WNT5B: variants seen among roughly 807,000 people sequenced by gnomAD.
WNT5B encodes Wnt family member 5B.
WNT5B carries 18 observed loss-of-function variants against 36.5 expected under a neutral mutation model. That is an observed-to-expected ratio of 0.49 (90% confidence interval 0.34 to 0.73). The LOEUF is 0.73. Among genes scored for constraint, WNT5B ranks in the 30% least tolerant of loss-of-function variants. The pLI is 0.01. For missense variants in WNT5B, 424 were observed against 508.4 expected, an observed-to-expected ratio of 0.83 and a Z score of 1.60; for synonymous variants, 213 against 212.3, an observed-to-expected ratio of 1.00 and a Z score of -0.03.
At chr12:1,620,778 A>T (rs2094532734) in intron 1 of WNT5B, among the ~76,000 whole-genome samples, 1 of 148,812 alleles carries the variant, frequency 6.7e-6, no homozygotes, top group South Asian at 2.1e-4. Context: ...ACCTTGGCTC[A>T]CTGCAACCTC....
rs1381302425 is a variant in WNT5B at position 1,645,847 on chromosome 12, C to T, written c.675C>T (p.Ser225=). 1.2e-6 allele frequency: 2 copies of T among 1,609,024 alleles called. No homozygotes were observed. Among genetic ancestry groups the T allele is most frequent in the Non-Finnish European group, 1.7e-6 (2 of 1,177,182 alleles). ...VACKCHGVSG[S]CSLKTCWLQL... Reference sequence around the variant, plus strand: ...GCAAATGCCACGGCGTCTCGGGGTCCTGCAGCCTCAAGACCTGCTGGCTGC... The same window carrying T: ...GCAAATGCCACGGCGTCTCGGGGTCTTGCAGCCTCAAGACCTGCTGGCTGC... Residue 225 remains serine (S), a synonymous_variant, in exon 5 of 5, where the codon TCC becomes TCT. Coordinates refer to ENST00000397196, the MANE Select transcript of WNT5B (RefSeq NM_032642.3).
At position 1,646,102 on chromosome 12, in the gene WNT5B, C is replaced by T. The variant is rs1343673094; in HGVS notation, c.930C>T (p.Gly310=). ...QGRLCNKTSE[G]MDGCELMCCG... The stretch of plus-strand genomic sequence containing the variant: ...GCCTCTGCAACAAGACCTCGGAGGG[C>T]ATGGATGGCTGTGAGCTCATGTGCT... The change falls in exon 5 of 5, where the codon GGC becomes GGT. Residue 310 remains glycine (G), a synonymous_variant. Coordinates refer to ENST00000397196, the MANE Select transcript of WNT5B (RefSeq NM_032642.3). 1 of 1,613,886 alleles carries T rather than the reference C, an allele frequency of 6.2e-7. No individual in the cohort carries two copies.
chr12:1,643,855 T>A (rs920741253), intron 4 of WNT5B, among the ~76,000 whole-genome samples: 6 of 151,364 alleles, frequency 4.0e-5, no homozygotes, highest in African/African-American at 1.2e-4. Flanking sequence ...ATGAAAAAAA[T>A]TGCAGATATT....
intron 1 of WNT5B, among the ~76,000 whole-genome samples, chr12:1,622,107 CTTT>C (rs35497935): frequency 2.6e-3 from 254 of 99,070 alleles, no homozygotes; most frequent in Middle Eastern, 7.0e-3. Flanking sequence ...TCTGACACTT[CTTT>C]TTTTTTTTTT....
upstream of WNT5B, among the ~76,000 whole-genome samples, chr12:1,626,559 G>C (rs2154439397): frequency 6.7e-6 from 1 of 148,968 alleles, no homozygotes. Context: ...CACTACTCCA[G>C]GCCAAGTGTA....
At chr12:1,645,751 C>T (rs2154439934) in intron 4 of WNT5B, 43 bp from the exon 5 acceptor site, 1 of 1,532,718 alleles carries the variant, frequency 6.5e-7, no homozygotes. Flanking sequence ...GGGCCTCTTC[C>T]ACCGGGATCC....
At chr12:1,627,614 G>A (rs1193295568), upstream of WNT5B, among the ~76,000 whole-genome samples, 4 of 152,148 alleles carry the variant, frequency 2.6e-5, no homozygotes, top group Non-Finnish European at 5.9e-5. The surrounding 1 kb of genome is among the most constrained non-coding windows in gnomAD (Gnocchi z 5.0). Flanking sequence ...AGCAGAAAAA[G>A]GAGGAGATCT....
chr12:1,636,677 A>T (rs1266276008), intron 3 of WNT5B, among the ~76,000 whole-genome samples: 1 of 151,258 alleles, frequency 6.6e-6, no homozygotes, highest in Non-Finnish European at 1.5e-5. Context: ...AGTAGCTGGG[A>T]CTACAGGCAC....
chr12:1,639,639 G>A (rs1180328504), intron 3 of WNT5B, 45 bp from the exon 4 acceptor site: 1 of 1,452,022 alleles, frequency 6.9e-7, no homozygotes. Context: ...CAGGTCCCCG[G>A]GAGAGGAGAG....
intron 1 of WNT5B, among the ~76,000 whole-genome samples, chr12:1,623,397 G>A (rs915489258): frequency 1.5e-4 from 22 of 151,442 alleles, no homozygotes; most frequent in Non-Finnish European, 2.8e-4. Context: ...AGGTTTCACC[G>A]TGTTAGCCAG....
Position 1,647,079 on chromosome 12 carries a change from G to C in WNT5B, c.*827G>C, listed in dbSNP as rs1205315676. ...CCGGGGAGGGGAAGCTTGAGCTGCT[G>C]CTGTCACTCCTCCACCGAGGGAGGC... On this transcript the variant is annotated 3_prime_UTR_variant, in exon 5 of 5. Coordinates refer to ENST00000397196, the MANE Select transcript of WNT5B (RefSeq NM_032642.3). The C allele has an allele frequency of 6.6e-6, 1 of 152,324 alleles. No homozygotes were observed. Among genetic ancestry groups the C allele is most frequent in the Admixed American group, 6.5e-5 (1 of 15,272 alleles). The allele number at this position is 152,324 out of a possible 1,614,324, so 9.4% of individuals were successfully genotyped here.
intron 1 of WNT5B, among the ~76,000 whole-genome samples, chr12:1,623,764 C>G (rs1360137607): frequency 6.6e-6 from 1 of 152,176 alleles, no homozygotes; most frequent in Non-Finnish European, 1.5e-5. Flanking sequence ...AAACCAGGAT[C>G]CACCCTTCCA....
At chr12:1,643,705 T>G (rs1478944124) in intron 4 of WNT5B, among the ~76,000 whole-genome samples, 1 of 137,392 alleles carries the variant, frequency 7.3e-6, no homozygotes, top group African/African-American at 2.8e-5. Flanking sequence ...TTTTTTTTTT[T>G]GCTTTTTGAA....
At chr12:1,623,530 C>T (rs972564639) in intron 1 of WNT5B, among the ~76,000 whole-genome samples, 5 of 151,974 alleles carry the variant, frequency 3.3e-5, no homozygotes, top group Non-Finnish European at 7.4e-5. Flanking sequence ...GTCACATGGT[C>T]AAATCTAAGC....
rs2094553077 is a variant in WNT5B at position 1,632,663 on chromosome 12, T to C, written c.86T>C (p.Leu29Ser). The C allele has an allele frequency of 1.2e-6, 2 of 1,601,802 alleles. No homozygotes were observed. Among genetic ancestry groups the C allele is most frequent in the Non-Finnish European group, 8.6e-7 (1 of 1,169,542 alleles). Reference sequence around the variant, plus strand: ...TTTCTGGATTGCTGTCCTAGGTCATTAGCTTTGAACCCGGTGCAGAGACCC... The same window carrying C: ...TTTCTGGATTGCTGTCCTAGGTCATCAGCTTTGAACCCGGTGCAGAGACCC... ...LLTDANSWWS[L>S]ALNPVQRPEM... is the part of the protein sequence containing the mutation. Residue 29 changes from leucine to serine, a missense_variant, in exon 3 of 5, where the codon TTA becomes TCA. Transcript: ENST00000397196. The surrounding 1 kb of genome is among the most constrained non-coding windows in gnomAD (Gnocchi z 5.8).
rs1342236605 is a variant in WNT5B at position 1,630,387 on chromosome 12, G to A, written c.-57-911G>A. Among the ~76,000 whole-genome samples the A allele has an allele frequency of 6.6e-6, 1 of 152,172 alleles. No homozygotes were observed. Among genetic ancestry groups the A allele is most frequent in the East Asian group, 1.9e-4 (1 of 5,186 alleles). On this transcript the variant is annotated intron_variant, in intron 1 of 4. Coordinates refer to ENST00000397196, the MANE Select transcript of WNT5B (RefSeq NM_032642.3). This position sits in a 1 kb window ranked among gnomAD's most constrained non-coding sequence, Gnocchi z 5.3. ...CCAGGGCCTGGGGACAGGGGCTCTC[G>A]GGGGCGGATAGAGGAACAGGCGTGG... is the stretch of plus-strand genomic sequence containing the variant.
At chr12:1,636,537 ATATACTT>A in intron 3 of WNT5B, among the ~76,000 whole-genome samples, 1 of 23,766 alleles carries the variant, frequency 4.2e-5, no homozygotes, top group African/African-American at 1.4e-4. Context: ...ATATATATAT[ATATACTT>A]TTTTTTTTTT....
intron 3 of WNT5B, among the ~76,000 whole-genome samples, chr12:1,639,027 G>A (rs996119909): frequency 6.6e-6 from 1 of 152,144 alleles, no homozygotes; most frequent in Non-Finnish European, 1.5e-5. Context: ...GTTTCTGAAT[G>A]CCTATTCTCC....
intron 3 of WNT5B, among the ~76,000 whole-genome samples, chr12:1,637,634 C>T (rs1397724818): frequency 1.3e-5 from 2 of 150,306 alleles, no homozygotes; most frequent in Non-Finnish European, 3.0e-5. Flanking sequence ...CCTGTAATCC[C>T]AGCTACTCGG....
Sources: allele counts gnomAD v4.1 joint callset (sites outside exome capture counted in the v4.1 genomes callset), GRCh38; gene constraint gnomAD v4.1.1; non-coding constraint Gnocchi (gnomAD v3.1); transcripts MANE v1.5; gene names NCBI Gene and HGNC (gene_info 2026-07-23, HGNC 2026-07-21).